KCNQ5: variants seen among roughly 807,000 people sequenced by gnomAD.
KCNQ5 encodes the protein potassium voltage-gated channel subfamily Q member 5.
Under a neutral mutation model 98.2 loss-of-function variants are expected in KCNQ5, and 30 were observed. The ratio of observed to expected loss-of-function variants is 0.31; its 90% CI spans 0.23 to 0.41. The LOEUF is 0.41. Ranked by LOEUF, KCNQ5 falls within the 10% of genes least tolerant of loss-of-function variation. The pLI, the probability that KCNQ5 is intolerant of heterozygous loss-of-function variation, is 1.00. For missense variants in KCNQ5, 835 were observed against 1,182.5 expected (o/e 0.71, Z 4.31); for synonymous variants, 458 against 449.4 (o/e 1.02, Z -0.24).
At chr6:73,057,992 A>G (rs2150372399) in intron 3 of KCNQ5, among the ~76,000 whole-genome samples, 1 of 152,376 alleles carries the variant, frequency 6.6e-6, no homozygotes, top group African/African-American at 2.4e-5. Flanking sequence ...AGCAATGGGA[A>G]AAGAAATTCC....
intron 1 of KCNQ5, among the ~76,000 whole-genome samples, chr6:72,756,573 C>T (rs1771981830): frequency 6.6e-6 from 1 of 152,070 alleles, no homozygotes; most frequent in Admixed American, 6.6e-5. Flanking sequence ...TTTGTCATAA[C>T]CCCAAAGGGT....
At chr6:73,000,666 C>T (rs1484862382) in intron 1 of KCNQ5, among the ~76,000 whole-genome samples, 1 of 152,124 alleles carries the variant, frequency 6.6e-6, no homozygotes, top group African/African-American at 2.4e-5. Context: ...GACTCCACTC[C>T]CCAATTTACA....
intron 1 of KCNQ5, among the ~76,000 whole-genome samples, chr6:72,666,467 A>G (rs774589954): frequency 2.0e-5 from 3 of 152,194 alleles, no homozygotes; most frequent in Non-Finnish European, 4.4e-5. Flanking sequence ...GCCAAATTTA[A>G]TAGGCTAAGT....
At chr6:72,804,636 A>G (rs1048131256) in intron 1 of KCNQ5, among the ~76,000 whole-genome samples, 9 of 152,106 alleles carry the variant, frequency 5.9e-5, no homozygotes, top group Non-Finnish European at 1.5e-5. Context: ...GGGAGTGCAG[A>G]TATCTCTTCA....
intron 1 of KCNQ5, among the ~76,000 whole-genome samples, chr6:72,812,081 G>A (rs2150105504): frequency 6.6e-6 from 1 of 152,272 alleles, no homozygotes; most frequent in South Asian, 2.1e-4. Context: ...CTTTTAGCAT[G>A]CCAATGCATT....
chr6:72,987,339 A>T, intron 1 of KCNQ5: 1 of 714,218 alleles, frequency 1.4e-6, no homozygotes, highest in Non-Finnish European at 2.6e-6. Flanking sequence ...AGACCAGGTG[A>T]GGCGAAAGGC....
intron 11 of KCNQ5, among the ~76,000 whole-genome samples, chr6:73,183,545 T>G (rs1268875062): frequency 6.6e-6 from 1 of 152,136 alleles, no homozygotes; most frequent in Non-Finnish European, 1.5e-5. Context: ...TTAAGTTCAT[T>G]GCATCATAGA....
At chr6:72,962,303 G>A (rs1321496821) in intron 1 of KCNQ5, among the ~76,000 whole-genome samples, 1 of 146,198 alleles carries the variant, frequency 6.8e-6, no homozygotes, top group Admixed American at 6.9e-5. Context: ...CTATAGGTAT[G>A]CAAAGGCATA....
chr6:72,903,261 G>A (rs1198245282), intron 1 of KCNQ5, among the ~76,000 whole-genome samples: 1 of 151,876 alleles, frequency 6.6e-6, no homozygotes, highest in Non-Finnish European at 1.5e-5. Context: ...CTATCAATTT[G>A]ATTTATCTTT....
chr6:73,012,206 G>C (rs983713923), intron 2 of KCNQ5, among the ~76,000 whole-genome samples: 1 of 152,046 alleles, frequency 6.6e-6, no homozygotes, highest in African/African-American at 2.4e-5. Context: ...CCAGAATGTG[G>C]AAACGACCCA....
At chr6:73,051,784 C>T (rs968212291) in intron 3 of KCNQ5, among the ~76,000 whole-genome samples, 1 of 149,520 alleles carries the variant, frequency 6.7e-6, no homozygotes, top group Non-Finnish European at 1.5e-5. Flanking sequence ...GAAAATCAGC[C>T]CACACAGATG....
At chr6:72,648,915 T>G (rs1371612797) in intron 1 of KCNQ5, among the ~76,000 whole-genome samples, 2 of 152,098 alleles carry the variant, frequency 1.3e-5, no homozygotes, top group Non-Finnish European at 2.9e-5. Flanking sequence ...GTGGTTATGT[T>G]CAGTTAATCT....
chr6:72,674,718 T>C (rs1767321014), intron 1 of KCNQ5, among the ~76,000 whole-genome samples: 1 of 152,120 alleles, frequency 6.6e-6, no homozygotes, highest in Non-Finnish European at 1.5e-5. Context: ...TGCAGTGAGC[T>C]GAGATCGCGT....
At chr6:72,936,559 T>C (rs1765924945) in intron 1 of KCNQ5, among the ~76,000 whole-genome samples, 1 of 152,198 alleles carries the variant, frequency 6.6e-6, no homozygotes, top group Admixed American at 6.5e-5. Context: ...TGAGGAAAGG[T>C]AGCATAGAAT....
intron 3 of KCNQ5, among the ~76,000 whole-genome samples, chr6:73,064,464 A>G (rs1772960947): frequency 6.6e-6 from 1 of 152,164 alleles, no homozygotes; most frequent in African/African-American, 2.4e-5. Context: ...ATTTCATCAT[A>G]GGATGTTGGG....
At chr6:72,938,688 T>C (rs1261596769) in intron 1 of KCNQ5, among the ~76,000 whole-genome samples, 1 of 152,122 alleles carries the variant, frequency 6.6e-6, no homozygotes, top group East Asian at 1.9e-4. Flanking sequence ...CCCAGCAAAT[T>C]GTACATTTAA....
chr6:73,013,808 TTCTTTTTGTTCC>T (rs111835878), intron 2 of KCNQ5, among the ~76,000 whole-genome samples: 1 of 152,150 alleles, frequency 6.6e-6, no homozygotes, highest in African/African-American at 2.4e-5. Flanking sequence ...TGTCTAAGGC[TTCTTTTTGTTCC>T]ATATATGCCA....
chr6:72,808,925 T>G (rs1213624653), intron 1 of KCNQ5, among the ~76,000 whole-genome samples: 1 of 151,784 alleles, frequency 6.6e-6, no homozygotes, highest in African/African-American at 2.4e-5. Flanking sequence ...CATGCTGCTA[T>G]AAAGACACAT....
At chr6:72,901,838 C>T (rs2150195239) in intron 1 of KCNQ5, among the ~76,000 whole-genome samples, 1 of 152,084 alleles carries the variant, frequency 6.6e-6, no homozygotes, top group South Asian at 2.1e-4. Flanking sequence ...GGGCTCTTTT[C>T]TGGTTCCATA....
Sources: allele counts gnomAD v4.1 joint callset (sites outside exome capture counted in the v4.1 genomes callset), GRCh38; gene constraint gnomAD v4.1.1; transcripts MANE v1.5; gene names NCBI Gene and HGNC (gene_info 2026-07-23, HGNC 2026-07-21).